Variants in MYO1E observed in about 807,000 individuals in gnomAD.
MYO1E encodes the protein unconventional myosin-Ie.
In MYO1E, 68 loss-of-function variants were observed where a neutral mutation model predicts 151.1. The observed-to-expected ratio is 0.45, with a 90% confidence interval of 0.37 to 0.55. The LOEUF (loss-of-function observed/expected upper bound fraction) is 0.55, where lower values mean the gene tolerates loss of function less well. MYO1E is among the 20% of genes least tolerant of loss of function. MYO1E has a pLI of 0.00. For synonymous variants in MYO1E, 601 were observed against 501.7 expected (o/e 1.20, Z -2.64); for missense variants, 1,363 against 1,389.3 (o/e 0.98, Z 0.30).
intron 5 of MYO1E, among the ~76,000 whole-genome samples, chr15:59,233,965 A>C (rs1401594067): frequency 6.6e-6 from 1 of 151,966 alleles, no homozygotes; most frequent in Non-Finnish European, 1.5e-5. Flanking sequence ...GGGTTAAATA[A>C]TACTGTTTTA....
chr15:59,265,732 G>A (rs2080249034), intron 2 of MYO1E, among the ~76,000 whole-genome samples: 1 of 146,766 alleles, frequency 6.8e-6, no homozygotes, highest in Non-Finnish European at 1.5e-5. Flanking sequence ...CAAGTGGGAT[G>A]ATTGCTTGAG....
chr15:59,319,521 C>T (rs1357170693), intron 1 of MYO1E, among the ~76,000 whole-genome samples: 7 of 138,682 alleles, frequency 5.0e-5, no homozygotes, highest in African/African-American at 1.9e-4. Context: ...AAAGAAAAGG[C>T]ACCAAGATAG....
At chr15:59,207,390 A>G (rs752775373) in intron 14 of MYO1E, 3 of 1,614,072 alleles carry the variant, frequency 1.9e-6, no homozygotes, top group Admixed American at 3.3e-5. Context: ...CACGCCAAGA[A>G]AAGGGAGAAA....
intron 4 of MYO1E, 38 bp downstream of exon 4, chr15:59,256,243 CTCA>C (rs750123882): frequency 1.4e-6 from 2 of 1,461,632 alleles, no homozygotes. Flanking sequence ...ACAGCATAGT[CTCA>C]TATCTTCCAC....
intron 1 of MYO1E, among the ~76,000 whole-genome samples, chr15:59,326,366 A>T (rs1317862479): frequency 6.6e-6 from 1 of 152,110 alleles, no homozygotes; most frequent in Non-Finnish European, 1.5e-5. Context: ...AAAATACAAA[A>T]AAAAAAATTA....
intron 2 of MYO1E, among the ~76,000 whole-genome samples, chr15:59,264,466 A>T (rs2080241798): frequency 6.6e-6 from 1 of 152,210 alleles, no homozygotes; most frequent in Admixed American, 6.5e-5. Context: ...TTAAATTGGA[A>T]AGTCATTCAA....
chr15:59,241,921 AAAAATAAAATAAAAT>A, intron 4 of MYO1E, among the ~76,000 whole-genome samples: 2 of 150,838 alleles, frequency 1.3e-5, no homozygotes, highest in East Asian at 3.9e-4. Flanking sequence ...CCTGTCTCTA[AAAAATAAAATAAAAT>A]AAAATAAAAT....
chr15:59,335,252 A>G (rs2080721240), intron 1 of MYO1E, among the ~76,000 whole-genome samples: 1 of 152,134 alleles, frequency 6.6e-6, no homozygotes, highest in Admixed American at 6.5e-5. Flanking sequence ...ATTTGGCACC[A>G]CTTGGTGGAT....
chr15:59,261,599 T>C (rs2080224722), intron 2 of MYO1E, 90 bp from the exon 3 acceptor site: 3 of 875,472 alleles, frequency 3.4e-6, no homozygotes, highest in Non-Finnish European at 5.8e-6. Flanking sequence ...GAATTCACAA[T>C]GACTGTCCAA....
chr15:59,297,882 T>C (rs750003046), intron 1 of MYO1E, among the ~76,000 whole-genome samples: 2 of 152,198 alleles, frequency 1.3e-5, no homozygotes, highest in Non-Finnish European at 2.9e-5. Flanking sequence ...CTTTGTCTTT[T>C]ATGATGGTGA....
chr15:59,270,572 GA>G (rs1279428293), intron 2 of MYO1E, among the ~76,000 whole-genome samples: 7 of 141,420 alleles, frequency 4.9e-5, no homozygotes, highest in East Asian at 2.1e-4. Flanking sequence ...AAAGAAAAAA[GA>G]AAAAAAAATC....
intron 14 of MYO1E, chr15:59,207,826 T>C: frequency 3.1e-6 from 5 of 1,614,204 alleles, no homozygotes; most frequent in Non-Finnish European, 4.2e-6. Context: ...AATGAAAGGT[T>C]ATACTTCTTG....
chr15:59,215,276 T>C (rs2079906266), intron 10 of MYO1E, among the ~76,000 whole-genome samples: 1 of 152,226 alleles, frequency 6.6e-6, no homozygotes, highest in African/African-American at 2.4e-5. Flanking sequence ...TATTAAACAT[T>C]CACCTTTGCC....
At chr15:59,362,435 T>C (rs1223428615) in intron 1 of MYO1E, among the ~76,000 whole-genome samples, 1 of 152,200 alleles carries the variant, frequency 6.6e-6, no homozygotes, top group Admixed American at 6.5e-5. Context: ...ATAAACACTG[T>C]CAGGGAAAAG....
chr15:59,278,848 A>C (rs1417129378), intron 1 of MYO1E, among the ~76,000 whole-genome samples: 1 of 152,188 alleles, frequency 6.6e-6, no homozygotes, highest in Non-Finnish European at 1.5e-5. Context: ...ATCTCATTTA[A>C]TTCTCACAAC....
chr15:59,163,101 G>T, intron 23 of MYO1E, 56 bp downstream of exon 23: 1 of 1,596,228 alleles, frequency 6.3e-7, no homozygotes, highest in South Asian at 1.1e-5. Flanking sequence ...GCAGGGGTGC[G>T]ATCAAGACCC....
chr15:59,364,819 C>T (rs1186432803), intron 1 of MYO1E, among the ~76,000 whole-genome samples: 2 of 151,758 alleles, frequency 1.3e-5, no homozygotes, highest in Non-Finnish European at 2.9e-5. Context: ...GCAGGAGAAT[C>T]GCTTGAAACT....
chr15:59,198,074 C>T (rs2079778834), intron 16 of MYO1E, among the ~76,000 whole-genome samples: 1 of 152,106 alleles, frequency 6.6e-6, no homozygotes, highest in East Asian at 1.9e-4. Flanking sequence ...ACTATATTTC[C>T]CAGGCTCGTC....
intron 22 of MYO1E, among the ~76,000 whole-genome samples, chr15:59,165,594 A>G (rs1326254125): frequency 6.6e-6 from 1 of 152,238 alleles, no homozygotes; most frequent in African/African-American, 2.4e-5. Flanking sequence ...CAGCTCATGC[A>G]AAGGCAATTC....
Sources: gnomAD v4.1 joint callset for allele counts (sites outside exome capture counted in the v4.1 genomes callset) on GRCh38, gnomAD v4.1.1 for gene constraint, MANE v1.5 for transcripts, NCBI Gene and HGNC (gene_info 2026-07-23, HGNC 2026-07-21) for gene names.